TAF3: variants seen among roughly 807,000 people sequenced by gnomAD.
TAF3 encodes transcription initiation factor TFIID subunit 3.
Under a neutral mutation model 80.6 loss-of-function variants are expected in TAF3, and 7 were observed. The ratio of observed to expected loss-of-function variants is 0.09; its 90% CI spans 0.05 to 0.16. The LOEUF (loss-of-function observed/expected upper bound fraction) is 0.16. Ranked by LOEUF, TAF3 falls within the 10% of genes least tolerant of loss-of-function variation. The pLI is 1.00. For missense variants in TAF3, 921 were observed against 1,140.2 expected (o/e 0.81, Z 2.77); for synonymous variants, 444 against 446.1 (o/e 1.00, Z 0.06).
chr10:7,938,757 T>C (rs1837949323), intron 2 of TAF3, among the ~76,000 whole-genome samples: 1 of 152,126 alleles, frequency 6.6e-6, no homozygotes, highest in African/African-American at 2.4e-5. Flanking sequence ...GCTAAGCTCA[T>C]GAGAAGAGAT....
chr10:7,870,596 G>C (rs1193154878), intron 2 of TAF3, among the ~76,000 whole-genome samples: 3 of 152,144 alleles, frequency 2.0e-5, no homozygotes, highest in African/African-American at 7.2e-5. Flanking sequence ...GTCTGTTGTT[G>C]AAGAGTTAGG....
At chr10:7,956,936 A>AT (rs758388545) in intron 2 of TAF3, among the ~76,000 whole-genome samples, 4 of 151,406 alleles carry the variant, frequency 2.6e-5, no homozygotes, top group Admixed American at 6.6e-5. Context: ...CATGTCTTTA[A>AT]TTTTTTTTTG....
At chr10:7,859,893 G>C (rs143349650) in intron 2 of TAF3, among the ~76,000 whole-genome samples, 1 of 152,104 alleles carries the variant, frequency 6.6e-6, no homozygotes, top group African/African-American at 2.4e-5. Context: ...TGATTATTAC[G>C]CATCCTTGGT....
At chr10:7,867,722 G>A (rs1302413841) in intron 2 of TAF3, among the ~76,000 whole-genome samples, 1 of 152,178 alleles carries the variant, frequency 6.6e-6, no homozygotes, top group Non-Finnish European at 1.5e-5. Flanking sequence ...GTCTTTGTTA[G>A]CCAAAATGAA....
chr10:7,838,362 T>TG, intron 2 of TAF3, among the ~76,000 whole-genome samples: 1 of 125,716 alleles, frequency 8.0e-6, no homozygotes, highest in South Asian at 2.9e-4. Flanking sequence ...CAGTTTTGTT[T>TG]TTTTTTGTTG....
Position 7,964,525 on chromosome 10 carries a change from A to C in TAF3, c.1015A>C (p.Thr339Pro), listed in dbSNP as rs766439969. The stretch of plus-strand genomic sequence containing the variant: ...TCCCCAAACACCTGTGAGACCTGAA[A>C]CGCCCAACAGGACTCCTTCAGCTAC... ...HIPQTPVRPETPNRTPSATLS... is the reference protein window; with the variant it reads ...HIPQTPVRPEPPNRTPSATLS... Residue 339 changes from threonine to proline, a missense_variant, in exon 3 of 7, where the codon ACG becomes CCG. This residue lies in a region of TAF3 where 743 missense variants were observed against 821.0 expected (regional missense o/e 0.90). Transcript: ENST00000344293. The surrounding 1 kb of genome is among the most constrained non-coding windows in gnomAD (Gnocchi z 4.1). 1 of 1,613,554 alleles carries C rather than the reference A, an allele frequency of 6.2e-7. No individual in the cohort carries two copies. The highest frequency in any genetic ancestry group is 1.1e-5 in the South Asian group (1 of 91,014).
At chr10:7,981,370 AG>A (rs1041476734) in intron 4 of TAF3, among the ~76,000 whole-genome samples, 2 of 152,146 alleles carry the variant, frequency 1.3e-5, no homozygotes, top group African/African-American at 4.8e-5. Flanking sequence ...TGCCTTTATC[AG>A]CAAGCACCAG....
intron 2 of TAF3, among the ~76,000 whole-genome samples, chr10:7,905,847 C>CT (rs1837604098): frequency 2.6e-5 from 4 of 151,824 alleles, no homozygotes; most frequent in Non-Finnish European, 5.9e-5. Context: ...TATGCCACTG[C>CT]ACTCCAGCCT....
intron 2 of TAF3, among the ~76,000 whole-genome samples, chr10:7,912,476 C>G (rs993751832): frequency 6.6e-6 from 1 of 150,950 alleles, no homozygotes; most frequent in Non-Finnish European, 1.5e-5. Context: ...TTTTTTTTTT[C>G]TGGGAACAGT....
chr10:7,904,809 A>C (rs1326802718), intron 2 of TAF3, among the ~76,000 whole-genome samples: 1 of 152,054 alleles, frequency 6.6e-6, no homozygotes, highest in Non-Finnish European at 1.5e-5. Context: ...AAAAACTGGA[A>C]GATCTGGTGA....
At chr10:7,873,615 T>TCCCCC (rs1491436619) in intron 2 of TAF3, among the ~76,000 whole-genome samples, 2 of 54,470 alleles carry the variant, frequency 3.7e-5, no homozygotes, top group African/African-American at 1.7e-4. Flanking sequence ...ACATCCGAGT[T>TCCCCC]CTCCCCCCCC....
At chr10:7,896,074 A>T (rs1490106795) in intron 2 of TAF3, among the ~76,000 whole-genome samples, 1 of 152,160 alleles carries the variant, frequency 6.6e-6, no homozygotes, top group Non-Finnish European at 1.5e-5. Flanking sequence ...TACCAATGAT[A>T]GTTGAAGTAA....
intron 2 of TAF3, among the ~76,000 whole-genome samples, chr10:7,876,199 A>G (rs552275812): frequency 1.3e-5 from 2 of 152,224 alleles, no homozygotes; most frequent in East Asian, 3.9e-4. Flanking sequence ...TAGTGATGAA[A>G]TCGACTATTT....
intron 2 of TAF3, among the ~76,000 whole-genome samples, chr10:7,884,531 C>T (rs1184918501): frequency 1.3e-5 from 2 of 151,882 alleles, no homozygotes; most frequent in East Asian, 1.9e-4. Context: ...GGATTATAGG[C>T]GCCCGCCACC....
At chr10:7,927,231 G>A (rs917446891) in intron 2 of TAF3, among the ~76,000 whole-genome samples, 2 of 152,108 alleles carry the variant, frequency 1.3e-5, no homozygotes, top group East Asian at 1.9e-4. Flanking sequence ...GCAAAGGGGA[G>A]GATAATGAGC....
At chr10:7,957,159 A>C (rs1232534673) in intron 2 of TAF3, among the ~76,000 whole-genome samples, 2 of 152,176 alleles carry the variant, frequency 1.3e-5, no homozygotes, top group Non-Finnish European at 2.9e-5. Context: ...AATCCTTACT[A>C]TGCCTTTAGG....
At chr10:7,994,480 A>C (rs914083034) in intron 4 of TAF3, among the ~76,000 whole-genome samples, 4 of 152,186 alleles carry the variant, frequency 2.6e-5, no homozygotes, top group African/African-American at 9.6e-5. Flanking sequence ...TACTGTTTCC[A>C]GTTCAGATTT....
chr10:7,863,648 C>CACACACACACACATATATAT, intron 2 of TAF3, among the ~76,000 whole-genome samples: 1 of 56,156 alleles, frequency 1.8e-5, no homozygotes, highest in African/African-American at 6.5e-5. Flanking sequence ...TATATATATA[C>CACACACACACACATATATAT]ACACACACAT....
intron 4 of TAF3, among the ~76,000 whole-genome samples, chr10:7,994,055 C>G (rs1195493049): frequency 7.0e-6 from 1 of 142,702 alleles, no homozygotes; most frequent in Non-Finnish European, 1.5e-5. Context: ...GCTCCCCCTA[C>G]CCCTTCTTCT....
Sources: allele counts gnomAD v4.1 joint callset (sites outside exome capture counted in the v4.1 genomes callset), GRCh38; gene constraint gnomAD v4.1.1; regional missense constraint gnomAD v4.1.1; non-coding constraint Gnocchi (gnomAD v3.1); transcripts MANE v1.5; gene names NCBI Gene and HGNC (gene_info 2026-07-23, HGNC 2026-07-21).